CCDC7: variants seen among roughly 807,000 people sequenced by gnomAD.
CCDC7 encodes the protein coiled-coil domain containing 7.
Under a neutral mutation model 196.9 loss-of-function variants are expected in CCDC7, and 183 were observed. The observed-to-expected ratio is 0.93, with a 90% CI of 0.82 to 1.05. CCDC7 has a LOEUF of 1.05. Ranked by LOEUF, CCDC7 falls within the 50% of genes least tolerant of loss-of-function variation. CCDC7 has a pLI of 0.00. For synonymous variants in CCDC7, 525 were observed against 484.6 expected, an observed-to-expected ratio of 1.08 and a Z score of -1.10; for missense variants, 1,540 against 1,482.2, an observed-to-expected ratio of 1.04 and a Z score of -0.64.
chr10:32,515,872 A>G (rs1050125904), intron 9 of CCDC7, among the ~76,000 whole-genome samples: 4 of 152,172 alleles, frequency 2.6e-5, no homozygotes, highest in African/African-American at 9.7e-5. Flanking sequence ...CACTAATGTC[A>G]AAATTATCAA....
chr10:32,859,819 T>C (rs1472660957), intron 41 of CCDC7, among the ~76,000 whole-genome samples: 1 of 152,032 alleles, frequency 6.6e-6, no homozygotes. Context: ...CTAGAAGAAA[T>C]GGATAAATTC....
At chr10:32,780,038 A>G (rs2080792524) in intron 29 of CCDC7, among the ~76,000 whole-genome samples, 1 of 152,134 alleles carries the variant, frequency 6.6e-6, no homozygotes, top group South Asian at 2.1e-4. Flanking sequence ...GGAAATCAAG[A>G]CCATCCTGGC....
intron 17 of CCDC7, among the ~76,000 whole-genome samples, chr10:32,583,746 T>C (rs2058962550): frequency 6.6e-6 from 1 of 152,040 alleles, no homozygotes; most frequent in Non-Finnish European, 1.5e-5. Context: ...AGCATTTAAT[T>C]AGGAAATTCT....
intron 28 of CCDC7, among the ~76,000 whole-genome samples, chr10:32,776,616 G>A (rs2080104328): frequency 6.6e-6 from 1 of 152,056 alleles, no homozygotes; most frequent in Non-Finnish European, 1.5e-5. Context: ...CTGTTAAATG[G>A]AGATAAAATA....
chr10:32,547,010 C>A (rs1233402156), intron 13 of CCDC7, among the ~76,000 whole-genome samples: 2 of 151,554 alleles, frequency 1.3e-5, no homozygotes. Flanking sequence ...CTTCCTCTTC[C>A]TCCTCCTCCT....
chr10:32,670,302 G>A (rs996869361), intron 21 of CCDC7, among the ~76,000 whole-genome samples: 1 of 152,006 alleles, frequency 6.6e-6, no homozygotes, highest in Non-Finnish European at 1.5e-5. Flanking sequence ...GATTTTTTAA[G>A]GGTAGATGAT....
chr10:32,634,660 G>T (rs1444877708), intron 19 of CCDC7, among the ~76,000 whole-genome samples: 1 of 152,176 alleles, frequency 6.6e-6, no homozygotes, highest in Non-Finnish European at 1.5e-5. Flanking sequence ...CTCCCAAAGT[G>T]CTGGGATTAC....
At chr10:32,546,891 G>A (rs775046671) in intron 13 of CCDC7, among the ~76,000 whole-genome samples, 2 of 152,294 alleles carry the variant, frequency 1.3e-5, no homozygotes, top group Non-Finnish European at 2.9e-5. Flanking sequence ...GTTCCTTGCA[G>A]TTTAGGGCTG....
intron 20 of CCDC7, among the ~76,000 whole-genome samples, chr10:32,645,503 CTTTTTTTTTTT>C (rs35170235): frequency 1.7e-3 from 111 of 65,150 alleles, no homozygotes; most frequent in African/African-American, 5.2e-3. Context: ...GAGTCCATGT[CTTTTTTTTTTT>C]TTTTTTTTTT....
At chr10:32,567,604 A>G in intron 14 of CCDC7, 66 bp from the exon 16 acceptor site, 1 of 1,486,486 alleles carries the variant, frequency 6.7e-7, no homozygotes, top group East Asian at 2.4e-5. Flanking sequence ...TAGATTCCTG[A>G]ATGTGGTAGT....
chr10:32,582,755 A>T (rs1394147667), intron 16 of CCDC7, among the ~76,000 whole-genome samples: 3 of 152,178 alleles, frequency 2.0e-5, no homozygotes, highest in African/African-American at 7.2e-5. Context: ...ACTTTGGCTG[A>T]GTAAATTTTT....
chr10:32,812,557 TGACA>T (rs1335419962), intron 30 of CCDC7, among the ~76,000 whole-genome samples: 1 of 152,062 alleles, frequency 6.6e-6, no homozygotes, highest in Non-Finnish European at 1.5e-5. Context: ...GTGATGATGG[TGACA>T]GACATTACTG....
chr10:32,735,285 T>A (rs2084672514), intron 28 of CCDC7, among the ~76,000 whole-genome samples: 1 of 152,218 alleles, frequency 6.6e-6, no homozygotes, highest in Non-Finnish European at 1.5e-5. Context: ...TGTTAAACTG[T>A]CTTCAAAGTT....
intron 29 of CCDC7, among the ~76,000 whole-genome samples, chr10:32,797,746 G>GCCACTT (rs71299731): frequency 0.36 from 54,082 of 151,610 alleles, 11,787 homozygotes; most frequent in Non-Finnish European, 0.5. Flanking sequence ...GGTGAGTGGT[G>GCCACTT]CCACTTCCAC....
chr10:32,643,446 A>G (rs891182055), intron 20 of CCDC7, among the ~76,000 whole-genome samples: 1 of 152,030 alleles, frequency 6.6e-6, no homozygotes, highest in African/African-American at 2.4e-5. Flanking sequence ...TTTTGTTTAC[A>G]AATCCAGTGT....
intron 24 of CCDC7, among the ~76,000 whole-genome samples, chr10:32,702,773 C>A (rs1390902433): frequency 6.6e-6 from 1 of 152,144 alleles, no homozygotes; most frequent in African/African-American, 2.4e-5. Flanking sequence ...TATGTAATGG[C>A]CTTCTTTGTC....
chr10:32,554,091 A>C (rs573472291), intron 13 of CCDC7, among the ~76,000 whole-genome samples: 1 of 152,226 alleles, frequency 6.6e-6, no homozygotes, highest in East Asian at 1.9e-4. Flanking sequence ...AGGTTGTCAG[A>C]GTTGTCCGGC....
intron 18 of CCDC7, among the ~76,000 whole-genome samples, chr10:32,608,518 AT>A (rs1377761651): frequency 2.0e-5 from 3 of 150,852 alleles, no homozygotes; most frequent in Non-Finnish European, 4.4e-5. Flanking sequence ...TTGTTTTATG[AT>A]TTTTTTTGAC....
chr10:32,689,099 C>G, exon 23 of CCDC7: 2 of 1,608,524 alleles, frequency 1.2e-6, no homozygotes, highest in South Asian at 1.1e-5. Flanking sequence ...GGCATCAAGA[C>G]TCAATGTCAA....
Sources: gnomAD v4.1 joint callset for allele counts (sites outside exome capture counted in the v4.1 genomes callset) on GRCh38, gnomAD v4.1.1 for gene constraint, MANE v1.5 for transcripts, NCBI Gene and HGNC (gene_info 2026-07-23, HGNC 2026-07-21) for gene names.